CYRIA: variants seen among roughly 807,000 people sequenced by gnomAD.
The protein encoded by CYRIA is CYFIP-related Rac1 interactor A.
A neutral mutation model predicts 43.9 loss-of-function variants in CYRIA; 15 were observed. The observed-to-expected ratio is 0.34, with a 90% CI of 0.23 to 0.53. The LOEUF (loss-of-function observed/expected upper bound fraction) is 0.53, where lower values mean the gene tolerates loss of function less well. Among genes scored for constraint, CYRIA ranks in the 20% least tolerant of loss-of-function variants. CYRIA has a pLI of 0.94. For synonymous variants in CYRIA, 117 were observed against 136.0 expected (o/e 0.86, Z 0.97); for missense variants, 236 against 394.2 (o/e 0.60, Z 3.40).
chr2:16,627,702 C>T (rs12052781), intron 1 of CYRIA, among the ~76,000 whole-genome samples: 63,847 of 152,040 alleles, frequency 0.42, 13,696 homozygotes, highest in African/African-American at 0.5. Flanking sequence ...CAGATGACAC[C>T]TTCCTTCAAA....
At chr2:16,585,479 T>C (rs1006940724) in intron 3 of CYRIA, among the ~76,000 whole-genome samples, 3 of 152,180 alleles carry the variant, frequency 2.0e-5, no homozygotes, top group Non-Finnish European at 4.4e-5. Context: ...GTCTTATCCA[T>C]AGGACTGATG....
intron 1 of CYRIA, among the ~76,000 whole-genome samples, chr2:16,624,223 A>T (rs1185932181): frequency 1.3e-5 from 2 of 152,192 alleles, no homozygotes; most frequent in Non-Finnish European, 2.9e-5. Flanking sequence ...TCACTCAGGG[A>T]CTCAGCAGTT....
intron 9 of CYRIA, 132 bp from the exon 10 acceptor site, chr2:16,559,718 A>G: frequency 2.1e-6 from 2 of 956,086 alleles, no homozygotes; most frequent in Non-Finnish European, 1.5e-6. Flanking sequence ...CAACCAGTTA[A>G]TATGCTTCTG....
At chr2:16,641,456 C>T (rs758384389) in intron 1 of CYRIA, among the ~76,000 whole-genome samples, 11 of 152,138 alleles carry the variant, frequency 7.2e-5, no homozygotes, top group Non-Finnish European at 1.5e-4. Flanking sequence ...CATTCAAGGC[C>T]GAATTTAAAG....
chr2:16,634,199 C>T (rs1669423420), intron 1 of CYRIA, among the ~76,000 whole-genome samples: 1 of 152,216 alleles, frequency 6.6e-6, no homozygotes. Flanking sequence ...GGTTCATCTA[C>T]TCTTTACACC....
At chr2:16,558,801 A>G (rs920350853) in intron 10 of CYRIA, among the ~76,000 whole-genome samples, 1 of 151,636 alleles carries the variant, frequency 6.6e-6, no homozygotes, top group Non-Finnish European at 1.5e-5. Flanking sequence ...TTGTCAAGAA[A>G]TTGTCTGTGA....
At chr2:16,632,722 T>G (rs1002576024) in intron 1 of CYRIA, among the ~76,000 whole-genome samples, 2 of 152,106 alleles carry the variant, frequency 1.3e-5, no homozygotes, top group Non-Finnish European at 2.9e-5. Context: ...TGATTGAGAA[T>G]GCACCCATGA....
chr2:16,554,987 GC>G (rs1454052884), intron 11 of CYRIA, 81 bp downstream of exon 11: 10 of 1,026,438 alleles, frequency 9.7e-6, no homozygotes, highest in Non-Finnish European at 1.5e-5. Context: ...TAAGTTTGGT[GC>G]TATCCACAAC....
chr2:16,659,968 T>C (rs768970939), intron 1 of CYRIA, among the ~76,000 whole-genome samples: 7 of 152,030 alleles, frequency 4.6e-5, no homozygotes, highest in Non-Finnish European at 1.0e-4. Flanking sequence ...CTTCCCACTG[T>C]CATCAGCCTT....
intron 10 of CYRIA, 37 bp from the exon 11 acceptor site, chr2:16,555,176 G>A (rs781462033): frequency 6.4e-7 from 1 of 1,553,668 alleles, no homozygotes; most frequent in Non-Finnish European, 8.8e-7. Context: ...TAATATCTTA[G>A]TAATACTGTC....
intron 2 of CYRIA, among the ~76,000 whole-genome samples, chr2:16,608,576 G>C (rs1011368454): frequency 6.6e-6 from 1 of 152,234 alleles, no homozygotes; most frequent in Non-Finnish European, 1.5e-5. Context: ...GAGCTTTGGA[G>C]ACGTTGGGAG....
intron 4 of CYRIA, among the ~76,000 whole-genome samples, chr2:16,565,269 G>C (rs55752588): frequency 0.034 from 5,133 of 150,464 alleles, 265 homozygotes; most frequent in African/African-American, 0.1. Context: ...TGAAACCTCT[G>C]CTTCCCAGGT....
intron 3 of CYRIA, among the ~76,000 whole-genome samples, chr2:16,575,218 G>C (rs1192120898): frequency 6.6e-6 from 1 of 152,212 alleles, no homozygotes; most frequent in South Asian, 2.1e-4. Flanking sequence ...TATCTAGGAA[G>C]TAACTAACTT....
chr2:16,568,315 C>G (rs1179845494), intron 3 of CYRIA, among the ~76,000 whole-genome samples: 3 of 150,070 alleles, frequency 2.0e-5, no homozygotes, highest in Non-Finnish European at 3.0e-5. Flanking sequence ...TGAACTTTTT[C>G]AGGTTTTATG....
intron 2 of CYRIA, among the ~76,000 whole-genome samples, chr2:16,622,137 C>A (rs768090770): frequency 6.6e-6 from 1 of 152,166 alleles, no homozygotes; most frequent in Non-Finnish European, 1.5e-5. Flanking sequence ...GCCAGGATAC[C>A]GGCCCCAAAT....
intron 3 of CYRIA, among the ~76,000 whole-genome samples, chr2:16,573,489 A>G (rs1667214318): frequency 6.6e-6 from 1 of 152,244 alleles, no homozygotes; most frequent in African/African-American, 2.4e-5. Flanking sequence ...AGAGAGTAGA[A>G]TGTTATGAGA....
intron 2 of CYRIA, among the ~76,000 whole-genome samples, chr2:16,605,619 T>C (rs1668371077): frequency 6.6e-6 from 1 of 152,180 alleles, no homozygotes; most frequent in Non-Finnish European, 1.5e-5. Flanking sequence ...ATTCACTTAG[T>C]GTCATGTTGG....
chr2:16,566,706 C>T (rs1200641063), intron 3 of CYRIA, among the ~76,000 whole-genome samples: 1 of 152,192 alleles, frequency 6.6e-6, no homozygotes, highest in Non-Finnish European at 1.5e-5. Context: ...AGTGAATTCT[C>T]ACTTGATTAC....
chr2:16,565,718 G>A lies in CYRIA; in HGVS notation c.120C>T (p.Ala40=), dbSNP rs771212832. 5.6e-5 allele frequency: 89 copies of A among 1,589,258 alleles called. No individual in the cohort carries two copies. The East Asian group carries it at 1.1e-3, about 21-fold the overall frequency. ...GEREIWNQIS[A]VLQDSESILA... is the part of the protein sequence containing the mutation. ...GGATGCTCTCAGAATCCTGAAGGAC[G>A]GCGCTGATCTGGTTCCAGATTTCTC... Residue 40 remains alanine (A), a synonymous_variant, in exon 4 of 12, where the codon GCC becomes GCT. Transcript: ENST00000381323.
Sources: allele counts gnomAD v4.1 joint callset (sites outside exome capture counted in the v4.1 genomes callset), GRCh38; gene constraint gnomAD v4.1.1; transcripts MANE v1.5; gene names NCBI Gene and HGNC (gene_info 2026-07-23, HGNC 2026-07-21).